NRXN3: variants seen among roughly 807,000 people sequenced by gnomAD.
The protein encoded by NRXN3 is neurexin 3.
In NRXN3, 32 loss-of-function variants were observed where a neutral mutation model predicts 137.6. That is an observed-to-expected ratio of 0.23 (90% CI 0.18 to 0.31). NRXN3 has a LOEUF of 0.31. Ranked by LOEUF, NRXN3 falls within the 10% of genes least tolerant of loss-of-function variation. NRXN3 has a pLI of 1.00. For missense variants in NRXN3, 1,574 were observed against 2,062.5 expected, an observed-to-expected ratio of 0.76 and a Z score of 4.59; for synonymous variants, 798 against 784.5, an observed-to-expected ratio of 1.02 and a Z score of -0.29.
intron 19 of NRXN3, among the ~76,000 whole-genome samples, chr14:79,721,072 T>G (rs113441633): frequency 2.8e-4 from 43 of 152,266 alleles, no homozygotes; most frequent in African/African-American, 1.0e-3. Flanking sequence ...ATCTCTCTAA[T>G]TAGATAGTCA....
At chr14:79,219,643 A>T (rs1032422005) in intron 15 of NRXN3, among the ~76,000 whole-genome samples, 3 of 152,208 alleles carry the variant, frequency 2.0e-5, no homozygotes, top group Non-Finnish European at 4.4e-5. Flanking sequence ...CTACAAAAGG[A>T]TTCCACATAC....
At chr14:78,645,075 TTGCCAGACAAG>T (rs781352174) in intron 4 of NRXN3, 34 bp from the exon 5 acceptor site, 3 of 1,481,980 alleles carry the variant, frequency 2.0e-6, no homozygotes, top group South Asian at 1.3e-5. Flanking sequence ...GGTCTGACTC[TTGCCAGACAAG>T]TGCTGATTGC....
chr14:78,552,031 T>C (rs2096696764), intron 4 of NRXN3, among the ~76,000 whole-genome samples: 1 of 152,160 alleles, frequency 6.6e-6, no homozygotes, highest in Non-Finnish European at 1.5e-5. Context: ...GTGGTGGTTC[T>C]GAATCAAAAG....
intron 15 of NRXN3, among the ~76,000 whole-genome samples, chr14:79,375,258 A>T (rs2094233317): frequency 6.7e-6 from 1 of 149,090 alleles, no homozygotes; most frequent in Admixed American, 6.7e-5. Flanking sequence ...TTTTCCTTAA[A>T]CACAAAACTA....
chr14:79,567,787 G>T (rs1244741736), intron 16 of NRXN3, among the ~76,000 whole-genome samples: 1 of 152,106 alleles, frequency 6.6e-6, no homozygotes, highest in Non-Finnish European at 1.5e-5. Context: ...ACTATGCTTT[G>T]TCAATCGAGC....
At chr14:79,208,944 G>GT (rs2067212857) in intron 15 of NRXN3, among the ~76,000 whole-genome samples, 1 of 147,526 alleles carries the variant, frequency 6.8e-6, no homozygotes, top group East Asian at 2.0e-4. Context: ...AAGTTTTTTT[G>GT]TTTTTTTGTT....
At chr14:78,958,505 G>A (rs1010458960) in intron 11 of NRXN3, among the ~76,000 whole-genome samples, 45 of 152,060 alleles carry the variant, frequency 3.0e-4, no homozygotes, top group Non-Finnish European at 5.4e-4. Context: ...ACAGGTGCCT[G>A]CCACCACGCC....
intron 4 of NRXN3, among the ~76,000 whole-genome samples, chr14:78,334,980 T>C (rs116181127): frequency 6.6e-6 from 1 of 152,080 alleles, no homozygotes; most frequent in Non-Finnish European, 1.5e-5. Flanking sequence ...GAAACAGGAA[T>C]GGGGAGGTGG....
At chr14:79,227,807 T>TA in intron 15 of NRXN3, among the ~76,000 whole-genome samples, 1 of 116,730 alleles carries the variant, frequency 8.6e-6, no homozygotes, top group South Asian at 3.1e-4. Flanking sequence ...CCTCCCTTCC[T>TA]CCCTCCCTTC....
At chr14:78,404,436 T>G (rs909077805) in intron 4 of NRXN3, among the ~76,000 whole-genome samples, 2 of 152,146 alleles carry the variant, frequency 1.3e-5, no homozygotes, top group Non-Finnish European at 2.9e-5. Flanking sequence ...ATTCCCCTAG[T>G]GCACCAGATA....
chr14:78,465,112 A>C (rs1225711852), intron 4 of NRXN3, among the ~76,000 whole-genome samples: 1 of 152,110 alleles, frequency 6.6e-6, no homozygotes, highest in Non-Finnish European at 1.5e-5. Context: ...AAGTGTTCAC[A>C]GAATTGTGTG....
chr14:78,684,452 T>C (rs1372635375), intron 6 of NRXN3, among the ~76,000 whole-genome samples: 1 of 152,174 alleles, frequency 6.6e-6, no homozygotes, highest in African/African-American at 2.4e-5. Flanking sequence ...AGACACCCCT[T>C]TCCAGGAGAC....
intron 15 of NRXN3, among the ~76,000 whole-genome samples, chr14:79,069,729 C>T (rs994987363): frequency 7.9e-5 from 12 of 152,102 alleles, no homozygotes; most frequent in African/African-American, 2.4e-4. Flanking sequence ...TATTGTGACA[C>T]ACTGTGATCA....
intron 3 of NRXN3, among the ~76,000 whole-genome samples, chr14:78,288,982 A>C (rs1341295617): frequency 6.6e-6 from 1 of 152,220 alleles, no homozygotes; most frequent in Admixed American, 6.5e-5. Flanking sequence ...GTATGATTAC[A>C]TGGTACAAAA....
intron 15 of NRXN3, among the ~76,000 whole-genome samples, chr14:79,415,153 T>C (rs556396596): frequency 1.3e-5 from 2 of 152,272 alleles, no homozygotes; most frequent in African/African-American, 4.8e-5. Flanking sequence ...CTCAGGTTGA[T>C]ATAATGTCTT....
intron 1 of NRXN3, among the ~76,000 whole-genome samples, chr14:78,181,668 G>A (rs545032609): frequency 3.3e-5 from 5 of 152,214 alleles, no homozygotes; most frequent in African/African-American, 4.8e-5. Flanking sequence ...GTAAATCTCC[G>A]CACAACTTGA....
chr14:78,873,943 A>G (rs560430659), intron 10 of NRXN3, among the ~76,000 whole-genome samples: 5 of 151,934 alleles, frequency 3.3e-5, no homozygotes, highest in Admixed American at 2.6e-4. Flanking sequence ...AGTCAAGATC[A>G]TAGGCACCAT....
chr14:78,757,409 TA>T (rs59969129), intron 8 of NRXN3, among the ~76,000 whole-genome samples: 332 of 138,092 alleles, frequency 2.4e-3, no homozygotes, highest in Middle Eastern at 3.7e-3. Context: ...TTCCATCTCT[TA>T]AAAAAAAAAA....
rs761333038 is a variant in NRXN3 at position 79,504,100 on chromosome 14, C to T, written c.3444+36698C>T. ...TATAATGTACACTCTTACCAGGTAC[C>T]AATCAGTTGTTTCAAACCACATTTC... On this transcript the variant is annotated intron_variant, in intron 16 of 20. Coordinates refer to ENST00000335750, the MANE Select transcript of NRXN3 (RefSeq NM_001330195.2). 1.1e-3 allele frequency among the ~76,000 whole-genome samples: 164 copies of T among 152,074 alleles called. 4 individuals carry two copies. The highest frequency in any genetic ancestry group is 2.5e-4 in the Non-Finnish European group (17 of 68,022).
Sources: gnomAD v4.1 joint callset for allele counts (sites outside exome capture counted in the v4.1 genomes callset) on GRCh38, gnomAD v4.1.1 for gene constraint, MANE v1.5 for transcripts, NCBI Gene and HGNC (gene_info 2026-07-23, HGNC 2026-07-21) for gene names.